The following PHF21A variants were observed in gnomAD, a reference collection of about 807,000 sequenced individuals.
PHF21A encodes PHD finger protein 21A, also known as BHC80a.
PHF21A carries 11 observed loss-of-function variants against 82.5 expected under a neutral mutation model. That is an observed-to-expected ratio of 0.13 (90% CI 0.08 to 0.22). The LOEUF is 0.22. PHF21A is among the 10% of genes least tolerant of loss of function. PHF21A has a pLI of 1.00. For synonymous variants in PHF21A, 297 were observed against 302.8 expected, an observed-to-expected ratio of 0.98 and a Z score of 0.20; for missense variants, 579 against 837.8, an observed-to-expected ratio of 0.69 and a Z score of 3.81.
intron 6 of PHF21A, among the ~76,000 whole-genome samples, chr11:46,009,366 T>G (rs1282542044): frequency 6.6e-6 from 1 of 152,152 alleles, no homozygotes; most frequent in Non-Finnish European, 1.5e-5. Flanking sequence ...CATCTACCTT[T>G]GAGGGTTCTG....
intron 6 of PHF21A, among the ~76,000 whole-genome samples, chr11:46,065,480 G>A (rs531559358): frequency 1.3e-5 from 2 of 152,292 alleles, no homozygotes; most frequent in South Asian, 4.1e-4. Context: ...TATGGGTCCT[G>A]ATAGTGTTGC....
At chr11:46,046,529 G>C (rs2096259678) in intron 6 of PHF21A, among the ~76,000 whole-genome samples, 1 of 152,126 alleles carries the variant, frequency 6.6e-6, no homozygotes, top group Non-Finnish European at 1.5e-5. Context: ...GTTTGGGTCA[G>C]GCTTCACTCT....
At chr11:46,006,451 T>C (rs1335284131) in intron 6 of PHF21A, among the ~76,000 whole-genome samples, 1 of 152,256 alleles carries the variant, frequency 6.6e-6, no homozygotes, top group Non-Finnish European at 1.5e-5. Flanking sequence ...CAGTGTTCTA[T>C]CTTCCTAAAC....
chr11:45,964,828 T>TTAAAAGTTCCAAAAA (rs1370498587), intron 10 of PHF21A, among the ~76,000 whole-genome samples: 1 of 152,204 alleles, frequency 6.6e-6, no homozygotes, highest in Admixed American at 6.5e-5. Flanking sequence ...AGTTAAAGAA[T>TTAAAAGTTCCAAAAA]GCTTTTTGGA....
At chr11:46,062,097 T>G (rs565620080) in intron 6 of PHF21A, among the ~76,000 whole-genome samples, 26 of 152,240 alleles carry the variant, frequency 1.7e-4, no homozygotes, top group South Asian at 4.1e-4. Context: ...GTTTTGTTTT[T>G]TTTTTTCCTC....
chr11:45,962,385 G>T (rs2093146540), intron 10 of PHF21A, among the ~76,000 whole-genome samples: 1 of 152,000 alleles, frequency 6.6e-6, no homozygotes, highest in African/African-American at 2.4e-5. Context: ...TGATCTATGA[G>T]ATCTCTTACT....
intron 6 of PHF21A, among the ~76,000 whole-genome samples, chr11:46,057,099 T>C (rs2096468381): frequency 6.6e-6 from 1 of 152,108 alleles, no homozygotes; most frequent in South Asian, 2.1e-4. Flanking sequence ...AAAACTACAA[T>C]TGAGAGGTTT....
At chr11:46,117,856 ACAGT>A (rs1347809772) in intron 1 of PHF21A, 6 of 152,262 alleles carry the variant, frequency 3.9e-5, no homozygotes, top group East Asian at 1.9e-4. Flanking sequence ...TCTACTTTGT[ACAGT>A]CAAAGACTTC....
intron 15 of PHF21A, among the ~76,000 whole-genome samples, chr11:45,939,125 C>T (rs1341888597): frequency 6.6e-6 from 1 of 152,350 alleles, no homozygotes; most frequent in African/African-American, 2.4e-5. Context: ...AGCCACTGCA[C>T]CCGGCCGGGA....
intron 6 of PHF21A, among the ~76,000 whole-genome samples, chr11:45,988,916 C>T (rs1485704649): frequency 6.6e-6 from 1 of 152,110 alleles, no homozygotes; most frequent in Admixed American, 6.6e-5. Context: ...GATTCTAAAG[C>T]TGCTGAATGC....
intron 6 of PHF21A, among the ~76,000 whole-genome samples, chr11:46,021,648 C>A (rs2095634529): frequency 6.6e-6 from 1 of 152,098 alleles, no homozygotes; most frequent in Non-Finnish European, 1.5e-5. Flanking sequence ...CTCAAGCGAT[C>A]CTCCTGCCTC....
chr11:46,081,753 A>G (rs1243615624), intron 4 of PHF21A, among the ~76,000 whole-genome samples: 1 of 152,254 alleles, frequency 6.6e-6, no homozygotes, highest in East Asian at 1.9e-4. Flanking sequence ...AACAACCCAT[A>G]GGCCAAATCT....
chr11:46,042,888 C>T (rs2096180903), intron 6 of PHF21A, among the ~76,000 whole-genome samples: 1 of 152,016 alleles, frequency 6.6e-6, no homozygotes, highest in Non-Finnish European at 1.5e-5. Flanking sequence ...ATCCCAGCCT[C>T]CAGAGTTGTA....
chr11:46,100,042 C>T (rs1170705344), intron 1 of PHF21A, among the ~76,000 whole-genome samples: 1 of 152,152 alleles, frequency 6.6e-6, no homozygotes, highest in African/African-American at 2.4e-5. Flanking sequence ...GAAGTGGAAA[C>T]AGCTACAATA....
chr11:45,955,116 A>G (rs564735568), intron 10 of PHF21A, among the ~76,000 whole-genome samples: 2 of 152,240 alleles, frequency 1.3e-5, no homozygotes, highest in East Asian at 1.9e-4. Flanking sequence ...CCCCCTTTAT[A>G]CTAAACGCTA....
chr11:46,055,596 T>C (rs1260283069), intron 6 of PHF21A, among the ~76,000 whole-genome samples: 1 of 152,154 alleles, frequency 6.6e-6, no homozygotes, highest in Non-Finnish European at 1.5e-5. Context: ...AATTCATCCC[T>C]TTACTAGTAG....
intron 1 of PHF21A, among the ~76,000 whole-genome samples, chr11:46,107,622 T>C (rs769624906): frequency 2.0e-5 from 3 of 152,198 alleles, no homozygotes; most frequent in Non-Finnish European, 2.9e-5. Flanking sequence ...TATTCTAGGA[T>C]TAGAAAGGCT....
intron 7 of PHF21A, among the ~76,000 whole-genome samples, chr11:45,971,789 C>G (rs749655482): frequency 1.3e-5 from 2 of 151,882 alleles, no homozygotes; most frequent in Non-Finnish European, 2.9e-5. Context: ...TCTATCCTAA[C>G]TGCTACAAGC....
intron 6 of PHF21A, among the ~76,000 whole-genome samples, chr11:46,038,902 C>T (rs1390114534): frequency 6.6e-6 from 1 of 152,070 alleles, no homozygotes; most frequent in Non-Finnish European, 1.5e-5. Flanking sequence ...ATTAAGTTTC[C>T]AACGCATGAA....
Sources: allele counts gnomAD v4.1 joint callset (sites outside exome capture counted in the v4.1 genomes callset), GRCh38; gene constraint gnomAD v4.1.1; transcripts MANE v1.5; gene names NCBI Gene and HGNC (gene_info 2026-07-23, HGNC 2026-07-21).